GABPA: variants seen among roughly 807,000 people sequenced by gnomAD.
GABPA encodes GA-binding protein alpha chain.
GABPA carries 4 observed loss-of-function variants against 59.4 expected under a neutral mutation model. The observed-to-expected ratio is 0.07, with a 90% CI of 0.03 to 0.15. The LOEUF (loss-of-function observed/expected upper bound fraction) is 0.15. GABPA is among the 10% of genes least tolerant of loss of function. The pLI is 1.00. For synonymous variants in GABPA, 164 were observed against 183.1 expected, an observed-to-expected ratio of 0.90 and a Z score of 0.84; for missense variants, 251 against 543.8, an observed-to-expected ratio of 0.46 and a Z score of 5.36.
chr21:25,757,933 G>A (rs2035676281), intron 5 of GABPA, 77 bp from the exon 6 acceptor site: 1 of 609,752 alleles, frequency 1.6e-6, no homozygotes, highest in African/African-American at 2.1e-5. Flanking sequence ...GTGTATGTGT[G>A]TGTATTGAGA....
intron 9 of GABPA, among the ~76,000 whole-genome samples, chr21:25,767,387 AAAG>A (rs1269876276): frequency 6.6e-6 from 1 of 152,012 alleles, no homozygotes; most frequent in Non-Finnish European, 1.5e-5. Context: ...AGAGGGAAGA[AAAG>A]AAATCATATC....
intron 9 of GABPA, 113 bp from the exon 10 acceptor site, chr21:25,768,891 T>A: frequency 1.5e-6 from 1 of 662,084 alleles, no homozygotes; most frequent in Non-Finnish European, 2.7e-6. Flanking sequence ...TATTAATTGC[T>A]ATTGTGGCGG....
intron 1 of GABPA, among the ~76,000 whole-genome samples, chr21:25,738,805 C>T (rs989763076): frequency 2.0e-5 from 3 of 152,138 alleles, no homozygotes; most frequent in African/African-American, 7.2e-5. Flanking sequence ...TAGATCCCTA[C>T]TCGGTTTCCA....
chr21:25,747,118 G>C (rs970897060), intron 3 of GABPA, among the ~76,000 whole-genome samples: 14 of 152,184 alleles, frequency 9.2e-5, no homozygotes, highest in African/African-American at 3.4e-4. Flanking sequence ...CCAATGTGTG[G>C]CTACAAAAGG....
At chr21:25,738,892 A>G (rs1287472315) in intron 1 of GABPA, among the ~76,000 whole-genome samples, 1 of 152,080 alleles carries the variant, frequency 6.6e-6, no homozygotes. Flanking sequence ...TTTATTGGAG[A>G]AAAGGAAGGC....
chr21:25,755,327 C>T (rs1222637704), intron 5 of GABPA, among the ~76,000 whole-genome samples: 1 of 151,070 alleles, frequency 6.6e-6, no homozygotes, highest in Non-Finnish European at 1.5e-5. Context: ...CACCAATATC[C>T]TAGGAGGCTA....
chr21:25,738,365 T>A (rs987809545), intron 1 of GABPA, among the ~76,000 whole-genome samples: 2 of 152,248 alleles, frequency 1.3e-5, no homozygotes, highest in African/African-American at 4.8e-5. Flanking sequence ...TTTCCTATGC[T>A]TTAACTACTT....
At chr21:25,743,860 G>A (rs2035289077) in intron 2 of GABPA, among the ~76,000 whole-genome samples, 1 of 151,760 alleles carries the variant, frequency 6.6e-6, no homozygotes, top group Admixed American at 6.6e-5. Flanking sequence ...AGACCATCCT[G>A]GCCAACATGC....
chr21:25,735,155 C>T lies in GABPA; in HGVS notation c.-450C>T. 2 of 648,440 alleles carry T rather than the reference C, an allele frequency of 3.1e-6. No individual in the cohort carries two copies. Among genetic ancestry groups the T allele is most frequent in the Non-Finnish European group, 5.6e-6 (2 of 358,468 alleles). 40.2% of individuals were successfully genotyped at this position (648,440 alleles called of 1,614,324 possible). On this transcript the variant is annotated 5_prime_UTR_variant, in exon 1 of 10. Transcript: ENST00000400075. ...CCGTTCTTTTTCCCCTCCTTGAAAC[C>T]TTGCTCTGTACGCATGCGCTCTTTG...
Position 25,735,128 on chromosome 21 carries a change from A to C in GABPA, c.-477A>C, listed in dbSNP as rs1334794443. On this transcript the variant is annotated 5_prime_UTR_variant, in exon 1 of 10. Transcript: ENST00000400075. ...CGCCATCTTTTCTTCGCCTAATTTG[A>C]CCCGTTCTTTTTCCCCTCCTTGAAA... 1.4e-6 allele frequency: 1 copy of C among 702,914 alleles called. No homozygotes were observed. The highest frequency in any genetic ancestry group is 2.5e-6 in the Non-Finnish European group (1 of 398,706). 43.5% of individuals were successfully genotyped at this position (702,914 alleles called of 1,614,324 possible).
intron 6 of GABPA, among the ~76,000 whole-genome samples, chr21:25,759,102 C>T (rs1004566083): frequency 6.6e-5 from 10 of 152,230 alleles, no homozygotes; most frequent in East Asian, 5.8e-4. Context: ...TTGGAAACTA[C>T]TTGGCTGTCC....
chr21:25,752,512 C>G (rs2035539477), intron 5 of GABPA, among the ~76,000 whole-genome samples: 1 of 152,074 alleles, frequency 6.6e-6, no homozygotes, highest in African/African-American at 2.4e-5. Flanking sequence ...GAGATGATTG[C>G]CATAAAAGGT....
intron 6 of GABPA, among the ~76,000 whole-genome samples, chr21:25,759,866 T>A (rs539806426): frequency 2.0e-5 from 3 of 152,224 alleles, no homozygotes; most frequent in African/African-American, 7.2e-5. Flanking sequence ...GATGGTAGTT[T>A]CATTTTTCCC....
intron 9 of GABPA, among the ~76,000 whole-genome samples, chr21:25,767,331 T>C (rs1279272773): frequency 6.6e-6 from 1 of 151,882 alleles, no homozygotes; most frequent in African/African-American, 2.4e-5. Context: ...GTTTGTGTGA[T>C]ATATTTGCAA....
chr21:25,749,112 C>G lies in GABPA; in HGVS notation c.299C>G (p.Ser100Cys). 1 of 1,560,384 alleles carries G rather than the reference C, an allele frequency of 6.4e-7. No individual in the cohort carries two copies. The highest frequency in any genetic ancestry group is 2.3e-5 in the East Asian group (1 of 44,444). Residue 100 changes from serine (S) to cysteine (C), a missense_variant, in exon 4 of 10, where the codon TCT becomes TGT. This residue lies in a region of GABPA where 207 missense variants were observed against 366.7 expected (regional missense o/e 0.56). Transcript: ENST00000400075. The stretch of plus-strand genomic sequence containing the variant: ...GTACAGCTTAGTGTACAGGTAATTT[C>G]TTACCAAGGTAAGTTACTTTTCATG... ...GTVQLSVQVI[S>C]YQGIEPKLNI...
intron 3 of GABPA, among the ~76,000 whole-genome samples, chr21:25,748,033 A>G (rs939671832): frequency 6.6e-6 from 1 of 152,100 alleles, no homozygotes; most frequent in Non-Finnish European, 1.5e-5. Flanking sequence ...CAGCCTCCCA[A>G]GTAGCTGGGA....
chr21:25,755,143 G>C (rs1459209748), intron 5 of GABPA, among the ~76,000 whole-genome samples: 1 of 151,394 alleles, frequency 6.6e-6, no homozygotes, highest in Non-Finnish European at 1.5e-5. Flanking sequence ...ACGAGGCATT[G>C]ACTATTTCAT....
rs770291553 is a variant in GABPA, at chr21:25,771,664, A to T, written c.*2432A>T. ...TTCTTTGCTTTGTTTTTATAAATGA[A>T]TTTTTCATAGAATTTACAGTATATT... On this transcript the variant is annotated 3_prime_UTR_variant, in exon 10 of 10. Coordinates refer to ENST00000400075, the MANE Select transcript of GABPA (RefSeq NM_002040.4). The T allele has an allele frequency of 2.0e-5, 3 of 151,992 alleles. No homozygotes were observed. Among genetic ancestry groups the T allele is most frequent in the African/African-American group, 4.8e-5 (2 of 41,432 alleles). The allele number at this position is 151,992 out of a possible 1,614,324, so 9.4% of individuals were successfully genotyped here. A position where few individuals can be genotyped will look rare whatever the true frequency, so the allele number is the denominator to read the frequency against.
chr21:25,745,237 T>C lies in GABPA; in HGVS notation c.105T>C (p.Ala35=), dbSNP rs781437569. 2 of 1,613,804 alleles carry C rather than the reference T, an allele frequency of 1.2e-6. No homozygotes were observed. Among genetic ancestry groups the C allele is most frequent in the East Asian group, 4.5e-5 (2 of 44,866 alleles). The part of the protein sequence containing the change: ...ESIVEQTYAP[A]ECVSQAIDIN... ...TTGTAGAACAAACCTACGCGCCAGCTGAATGTGTAAGCCAGGCCATAGACA... is the reference window on the plus strand; with the variant it reads ...TTGTAGAACAAACCTACGCGCCAGCCGAATGTGTAAGCCAGGCCATAGACA... The change falls in exon 3 of 10, where the codon GCT becomes GCC. Residue 35 remains alanine (A), a synonymous_variant. Transcript: ENST00000400075.
Sources: allele counts gnomAD v4.1 joint callset (sites outside exome capture counted in the v4.1 genomes callset), GRCh38; gene constraint gnomAD v4.1.1; regional missense constraint gnomAD v4.1.1; transcripts MANE v1.5; gene names NCBI Gene and HGNC (gene_info 2026-07-23, HGNC 2026-07-21).